CELF2: variants seen among roughly 807,000 people sequenced by gnomAD.
CELF2 encodes CUGBP Elav-like family member 2, also known as CUG triplet repeat RNA-binding protein 2.
Under a neutral mutation model 62.6 loss-of-function variants are expected in CELF2, and 8 were observed. That is an observed-to-expected ratio of 0.13 (90% CI 0.07 to 0.23). CELF2 has a LOEUF of 0.23. CELF2 is among the 10% of genes least tolerant of loss of function. The pLI is 1.00. For synonymous variants in CELF2, 258 were observed against 250.0 expected (o/e 1.03, Z -0.30); for missense variants, 333 against 671.0 (o/e 0.50, Z 5.56).
At chr10:10,532,945 G>A in the CELF2 span, among the ~76,000 whole-genome samples, 1 of 151,520 alleles carries the variant, frequency 6.6e-6, no homozygotes, top group Non-Finnish European at 1.5e-5. Context: ...AAATATTGGC[G>A]GGAGAGTTGG....
chr10:10,872,761 A>G (rs1035014650), intron 1 of CELF2, among the ~76,000 whole-genome samples: 1 of 152,172 alleles, frequency 6.6e-6, no homozygotes, highest in African/African-American at 2.4e-5. Context: ...GTGAGGAAAG[A>G]AGAGAATTTT....
At chr10:10,479,105 G>A in the CELF2 span, among the ~76,000 whole-genome samples, 1 of 152,228 alleles carries the variant, frequency 6.6e-6, no homozygotes, top group East Asian at 1.9e-4. Context: ...GATAGATGGA[G>A]AATAAAGAAG....
intron 1 of CELF2, among the ~76,000 whole-genome samples, chr10:10,857,608 C>CTA (rs533915476): frequency 4.9e-5 from 6 of 122,316 alleles, no homozygotes; most frequent in East Asian, 2.4e-4. Flanking sequence ...AGATGGTGAA[C>CTA]TATATATATA....
intron 1 of CELF2, among the ~76,000 whole-genome samples, chr10:10,845,252 C>T (rs951008437): frequency 4.7e-5 from 7 of 150,314 alleles, no homozygotes; most frequent in African/African-American, 1.2e-4. Context: ...AACATGTTTC[C>T]AAAGGCTAAT....
chr10:10,880,319 A>C (rs1209616121), intron 1 of CELF2, among the ~76,000 whole-genome samples: 1 of 152,180 alleles, frequency 6.6e-6, no homozygotes, highest in South Asian at 2.1e-4. Context: ...CCCACGTTAT[A>C]GTTTCTGCTG....
chr10:10,903,717 C>T (rs993511045), intron 1 of CELF2, among the ~76,000 whole-genome samples: 3 of 151,824 alleles, frequency 2.0e-5, no homozygotes, highest in African/African-American at 7.3e-5. Context: ...TGTACTAAAC[C>T]CCCCATTTCC....
At chr10:10,596,863 T>G in the CELF2 span, among the ~76,000 whole-genome samples, 1 of 152,246 alleles carries the variant, frequency 6.6e-6, no homozygotes, top group African/African-American at 2.4e-5. Flanking sequence ...ACCCTTGCTG[T>G]GAATGGAGAC....
rs1233862872 is a variant in CELF2, at chr10:11,178,470, T to A, written c.271+12788T>A. Among the ~76,000 whole-genome samples, 3 of 152,192 alleles carry A rather than the reference T, an allele frequency of 2.0e-5. No homozygotes were observed. Among genetic ancestry groups the A allele is most frequent in the Non-Finnish European group, 4.4e-5 (3 of 68,026 alleles). ...ATCTCTGTGAAGGAAGAAAAAGACT[T>A]GGGGAAAGGTAATGAATAAATTAAA... On this transcript the variant is annotated intron_variant, in intron 2 of 12. Transcript: ENST00000633077. This position sits in a 1 kb window ranked among gnomAD's most constrained non-coding sequence, Gnocchi z 4.3.
intron 2 of CELF2, among the ~76,000 whole-genome samples, chr10:10,967,115 G>A (rs1291897): frequency 0.081 from 12,302 of 152,244 alleles, 1,682 homozygotes; most frequent in African/African-American, 0.28. Context: ...GTGCTGCCAC[G>A]TGGTCAGAGG....
chr10:10,748,685 T>A, the CELF2 span, among the ~76,000 whole-genome samples: 1 of 132,856 alleles, frequency 7.5e-6, no homozygotes. Flanking sequence ...AAGGCAGAAC[T>A]GGCAGTGAGC....
the CELF2 span, among the ~76,000 whole-genome samples, chr10:10,465,706 G>C: frequency 6.6e-6 from 1 of 152,078 alleles, no homozygotes; most frequent in African/African-American, 2.4e-5. Flanking sequence ...AAGAGGAAAT[G>C]ACCCCATCCA....
At chr10:11,021,244 CACTG>C (rs1379813148) in intron 1 of CELF2, among the ~76,000 whole-genome samples, 1 of 152,140 alleles carries the variant, frequency 6.6e-6, no homozygotes, top group African/African-American at 2.4e-5. Context: ...TAGAATAAGA[CACTG>C]AGAAGAGTCT....
the CELF2 span, among the ~76,000 whole-genome samples, chr10:10,642,885 C>A: frequency 6.6e-6 from 1 of 152,220 alleles, no homozygotes; most frequent in Non-Finnish European, 1.5e-5. Flanking sequence ...GCAGGCCTGG[C>A]CTGCCATCTG....
At chr10:10,860,393 C>T (rs1180878695) in intron 1 of CELF2, among the ~76,000 whole-genome samples, 4 of 152,188 alleles carry the variant, frequency 2.6e-5, no homozygotes, top group African/African-American at 7.2e-5. Context: ...GTCCTCAGGC[C>T]ACCTGTGGGT....
At chr10:10,748,551 A>G in the CELF2 span, among the ~76,000 whole-genome samples, 10 of 152,070 alleles carry the variant, frequency 6.6e-5, no homozygotes, top group South Asian at 2.1e-3. Flanking sequence ...GATCGAGACC[A>G]TCCTGGCTAG....
At chr10:10,576,423 C>T in the CELF2 span, among the ~76,000 whole-genome samples, 1 of 152,036 alleles carries the variant, frequency 6.6e-6, no homozygotes, top group Non-Finnish European at 1.5e-5. Context: ...AAGAAGAAAT[C>T]AACCCCAGAG....
At chr10:11,065,568 G>C (rs1430880880) in intron 1 of CELF2, among the ~76,000 whole-genome samples, 3 of 152,064 alleles carry the variant, frequency 2.0e-5, no homozygotes, top group African/African-American at 4.8e-5. Context: ...CAAAATGAGG[G>C]GGGGATCCCA....
chr10:10,574,261 A>G, the CELF2 span, among the ~76,000 whole-genome samples: 1 of 152,170 alleles, frequency 6.6e-6, no homozygotes, highest in Non-Finnish European at 1.5e-5. Context: ...CAAGTAAATG[A>G]TATAGTGAAG....
At chr10:11,047,410 G>A (rs2063064042) in intron 1 of CELF2, among the ~76,000 whole-genome samples, 1 of 152,106 alleles carries the variant, frequency 6.6e-6, no homozygotes, top group Admixed American at 6.5e-5. Context: ...AAAATAAACA[G>A]GTATCTTTAA....
Sources: gnomAD v4.1 joint callset for allele counts (sites outside exome capture counted in the v4.1 genomes callset) on GRCh38, gnomAD v4.1.1 for gene constraint, Gnocchi (gnomAD v3.1) non-coding constraint, MANE v1.5 for transcripts, NCBI Gene and HGNC (gene_info 2026-07-23, HGNC 2026-07-21) for gene names.